CHI3L1: variants seen among roughly 807,000 people sequenced by gnomAD.
CHI3L1 encodes chitinase 3 like 1.
A neutral mutation model predicts 40.7 loss-of-function variants in CHI3L1; 30 were observed. The ratio of observed to expected loss-of-function variants is 0.74; its 90% CI spans 0.55 to 1.00. The LOEUF is 1.00. CHI3L1 is among the 50% of genes least tolerant of loss of function. The pLI, the probability that CHI3L1 is intolerant of heterozygous loss-of-function variation, is 0.00. For missense variants in CHI3L1, 493 were observed against 492.2 expected (o/e 1.00, Z -0.01); for synonymous variants, 210 against 192.1 (o/e 1.09, Z -0.77).
At position 203,179,841 on chromosome 1, in the gene CHI3L1, T is replaced by A. The variant is rs769289118; in HGVS notation, c.931A>T (p.Ile311Phe). 18 of 1,614,142 alleles carry A rather than the reference T, an allele frequency of 1.1e-5. No individual in the cohort carries two copies. Among genetic ancestry groups the A allele is most frequent in the Non-Finnish European group, 5.1e-6 (6 of 1,179,986 alleles). The change falls in exon 9 of 10, where the codon ATC becomes TTC. Residue 311 changes from isoleucine (I) to phenylalanine (F), a missense_variant. Physicochemically the swap from Ile to Phe is conservative, Grantham distance 21. Transcript: ENST00000255409. ...GCATAGGGGACCTGCTGGCCGAGGATTCTATGGACTGTGGCTCCGCGGAGG... is the reference window on the plus strand; with the variant it reads ...GCATAGGGGACCTGCTGGCCGAGGAATCTATGGACTGTGGCTCCGCGGAGG... ...DFLRGATVHRILGQQVPYATK... is the reference protein window; with the variant it reads ...DFLRGATVHRFLGQQVPYATK...
At chr1:203,184,274 G>A (rs1656007692) in intron 4 of CHI3L1, among the ~76,000 whole-genome samples, 1 of 152,132 alleles carries the variant, frequency 6.6e-6, no homozygotes, top group Non-Finnish European at 1.5e-5. Context: ...TCTCTTTCCA[G>A]CCCTAATGGT....
chr1:203,186,435 C>T (rs535804747), intron 1 of CHI3L1, 90 bp from the exon 2 acceptor site: 15 of 1,497,138 alleles, frequency 1.0e-5, no homozygotes, highest in African/African-American at 1.4e-5. Context: ...CCACCTCCCC[C>T]ACCCCCACCT....
chr1:203,179,758 T>A lies in CHI3L1; in HGVS notation c.1011+3A>T. 1 of 1,614,208 alleles carries A rather than the reference T, an allele frequency of 6.2e-7. No individual in the cohort carries two copies. Among genetic ancestry groups the A allele is most frequent in the African/African-American group, 1.3e-5 (1 of 75,046 alleles). On this transcript the variant is annotated splice_donor_region_variant and intron_variant, in intron 9 of 9. Transcript: ENST00000255409. The stretch of plus-strand genomic sequence containing the variant: ...CCTGAGGTGTGGCCTTGGGGAAACC[T>A]ACCTTGCTTTTGACGCTTTCCTGGT...
intron 5 of CHI3L1, 102 bp downstream of exon 5, chr1:203,183,539 C>T (rs1444408652): frequency 1.6e-6 from 2 of 1,279,948 alleles, no homozygotes; most frequent in African/African-American, 1.5e-5. Flanking sequence ...TGAAGTCCCT[C>T]TTTACCTGTC....
intron 3 of CHI3L1, 84 bp from the exon 4 acceptor site, chr1:203,184,716 G>T: frequency 8.3e-7 from 1 of 1,199,118 alleles, no homozygotes; most frequent in Non-Finnish European, 1.2e-6. Flanking sequence ...AGAGGCCATA[G>T]AAGGTTTCCT....
rs1219527174 is a variant in CHI3L1, at chr1:203,179,004, C to T, written c.*441G>A. 1.9e-5 allele frequency: 3 copies of T among 157,604 alleles called. No individual in the cohort carries two copies. Among genetic ancestry groups the T allele is most frequent in the Non-Finnish European group, 2.8e-5 (2 of 71,364 alleles). 9.8% of individuals were successfully genotyped at this position (157,604 alleles called of 1,614,324 possible). On this transcript the variant is annotated 3_prime_UTR_variant, in exon 10 of 10. Transcript: ENST00000255409. ...GGAAGTAGGATAGGGGACACGATTA[C>T]GTTCCTAAGTGAAGGTTTCAAGCTG...
At position 203,183,782 on chromosome 1, in the gene CHI3L1, C is replaced by G; in HGVS notation, c.324G>C (p.Lys108Asn). ...GGCGACTCTGGGTGTTGGAGGCTAT[C>G]TTGGAAAATCTAGGACCAAAATCAG... ...GWNFGSQRFS[K>N]IASNTQSRRT... is the part of the protein sequence containing the mutation. The change falls in exon 5 of 10, where the codon AAG becomes AAC. Residue 108 changes from lysine to asparagine, a missense_variant. Lys to Asn is a moderately conservative substitution (Grantham distance 94). Coordinates refer to ENST00000255409, the MANE Select transcript of CHI3L1 (RefSeq NM_001276.4). The G allele has an allele frequency of 1.2e-6, 2 of 1,614,204 alleles. 1 individual carries two copies. Among genetic ancestry groups the G allele is most frequent in the Non-Finnish European group, 1.7e-6 (2 of 1,180,026 alleles).
At chr1:203,181,129 C>T (rs199656374) in intron 7 of CHI3L1, 33 bp downstream of exon 7, 104 of 1,611,156 alleles carry the variant, frequency 6.5e-5, no homozygotes, top group Middle Eastern at 1.7e-4. Context: ...TCTTGCGGCC[C>T]CCTCCTGGCC....
In CHI3L1 at chr1:203,179,802, G is replaced by C; in HGVS notation, c.970C>G (p.Gln324Glu). 1 of 1,614,198 alleles carries C rather than the reference G, an allele frequency of 6.2e-7. No homozygotes were observed. Among genetic ancestry groups the C allele is most frequent in the Non-Finnish European group, 8.5e-7 (1 of 1,180,026 alleles). Residue 324 changes from glutamine to glutamate, a missense_variant, in exon 9 of 10, where the codon CAG becomes GAG. By Grantham distance (29) the Gln-to-Glu change is conservative. Transcript: ENST00000255409. ...QQVPYATKGN[Q>E]WVGYDDQESV... ...TCCTGGTCGTCGTATCCTACCCACT[G>C]GTTGCCCTTGGTGGCATAGGGGACC...
intron 5 of CHI3L1, 70 bp downstream of exon 5, chr1:203,183,571 G>T (rs1021566653): frequency 4.1e-5 from 63 of 1,538,098 alleles, no homozygotes; most frequent in Admixed American, 1.2e-4. Flanking sequence ...AGCAGCTGAC[G>T]CCGGCTTCTA....
rs1655992358 is a variant in CHI3L1 at position 203,183,623 on chromosome 1, C to A, written c.465+18G>T. On this transcript the variant is annotated intron_variant, in intron 5 of 9. Coordinates refer to ENST00000255409, the MANE Select transcript of CHI3L1 (RefSeq NM_001276.4). ...CATGCCTGCCCACCTCCCTCCCTGT[C>A]CCTGACCTGACCAGCACCTTGATTA... is the stretch of plus-strand genomic sequence containing the variant. The A allele has an allele frequency of 1.9e-6, 3 of 1,613,850 alleles. No homozygotes were observed. Among genetic ancestry groups the A allele is most frequent in the Non-Finnish European group, 2.5e-6 (3 of 1,179,946 alleles).
chr1:203,186,635 C>T lies in CHI3L1; in HGVS notation c.-12G>A, dbSNP rs2102213499. On this transcript the variant is annotated 5_prime_UTR_variant, in exon 1 of 10. Transcript: ENST00000255409. ...GCCTTCACACCCATTCTGGCTGCAG[C>T]AGAGCAGGGCAGGGTGTGGCCTCTT... 1.4e-5 allele frequency: 23 copies of T among 1,614,120 alleles called. No homozygotes were observed. Among genetic ancestry groups the T allele is most frequent in the Non-Finnish European group, 1.9e-5 (23 of 1,180,020 alleles).
Position 203,179,876 on chromosome 1 carries a change from A to G in CHI3L1, c.896T>C (p.Ile299Thr), listed in dbSNP as rs892377181. 1 of 1,613,940 alleles carries G rather than the reference A, an allele frequency of 6.2e-7. No individual in the cohort carries two copies. The highest frequency in any genetic ancestry group is 8.5e-7 in the Non-Finnish European group (1 of 1,179,852). ...TGTGGCTCCGCGGAGGAAGTCACAG[A>G]TCTGAGCAGATAACAGGGAAAAGGC... Reference protein sequence around the residue: ...KEAGTLAYYEICDFLRGATVH... With the variant: ...KEAGTLAYYETCDFLRGATVH... Residue 299 changes from isoleucine to threonine, a missense_variant and splice_region_variant, in exon 9 of 10, where the codon ATC becomes ACC. Physicochemically the swap from Ile to Thr is moderately conservative, Grantham distance 89. Coordinates refer to ENST00000255409, the MANE Select transcript of CHI3L1 (RefSeq NM_001276.4).
In CHI3L1 at chr1:203,181,052, A is replaced by AC. The variant is rs1655926052; in HGVS notation, c.711+109dup. 6 of 1,380,744 alleles carry AC rather than the reference A, an allele frequency of 4.3e-6. No individual in the cohort carries two copies. In the South Asian group the frequency reaches 7.3e-5, roughly 17 times the overall value. 85.5% of individuals were successfully genotyped at this position (1,380,744 alleles called of 1,614,324 possible). ...CCTTATCTGTGGAATGGGCCTCATG[A>AC]CCCCCCTCTTGCAGGACTGTACTGA... On this transcript the variant is annotated intron_variant, in intron 7 of 9. Coordinates refer to ENST00000255409, the MANE Select transcript of CHI3L1 (RefSeq NM_001276.4).
At chr1:203,179,708 G>T (rs756157745) in intron 9 of CHI3L1, 53 bp downstream of exon 9, 165 of 1,614,016 alleles carry the variant, frequency 1.0e-4, no homozygotes, top group Non-Finnish European at 1.3e-4. Context: ...GCTGCTGGGA[G>T]CGGGGCCTCC....
At chr1:203,186,278 C>T in intron 2 of CHI3L1, 38 bp downstream of exon 2, 1 of 1,567,606 alleles carries the variant, frequency 6.4e-7, no homozygotes, top group Non-Finnish European at 8.7e-7. Flanking sequence ...CCTCGCCACG[C>T]CTCTGGACTT....
intron 9 of CHI3L1, 58 bp from the exon 10 acceptor site, chr1:203,179,643 G>A: frequency 8.7e-6 from 14 of 1,613,800 alleles, no homozygotes; most frequent in African/African-American, 1.3e-5. Flanking sequence ...GTGTGTACAG[G>A]GCACATGTGC....
chr1:203,181,539 T>C lies in CHI3L1; in HGVS notation c.588-254A>G, dbSNP rs1655938026. On this transcript the variant is annotated intron_variant, in intron 6 of 9. Coordinates refer to ENST00000255409, the MANE Select transcript of CHI3L1 (RefSeq NM_001276.4). Reference sequence around the variant, plus strand: ...GGGAGGCTGAGGCAGGAGAATCGCTTGAACCCAGGCGGCAGAGGTTGTGCC... The same window carrying C: ...GGGAGGCTGAGGCAGGAGAATCGCTCGAACCCAGGCGGCAGAGGTTGTGCC... 3 of 317,424 alleles carry C rather than the reference T, an allele frequency of 9.5e-6. No individual in the cohort carries two copies. In the Admixed American group the frequency reaches 1.4e-4, roughly 15 times the overall value. 19.7% of individuals were successfully genotyped at this position (317,424 alleles called of 1,614,324 possible). A position where few individuals can be genotyped will look rare whatever the true frequency, so the allele number is the denominator to read the frequency against.
rs576791597 is a variant in CHI3L1, at chr1:203,185,210, G to A, written c.231C>T (p.Tyr77=). Residue 77 remains tyrosine, a synonymous_variant, in exon 3 of 10, where the codon TAC becomes TAT. Coordinates refer to ENST00000255409, the MANE Select transcript of CHI3L1 (RefSeq NM_001276.4). Reference sequence around the variant, plus strand: ...TGTTCTTGAGTGTGTTGAGCATGCCGTAGAGCGTCACATCATTCCACTCCC... The same window carrying A: ...TGTTCTTGAGTGTGTTGAGCATGCCATAGAGCGTCACATCATTCCACTCCC... ...DTWEWNDVTL[Y]GMLNTLKNRN... 10 of 1,614,090 alleles carry A rather than the reference G, an allele frequency of 6.2e-6. No homozygotes were observed. The highest frequency in any genetic ancestry group is 2.7e-5 in the African/African-American group (2 of 75,044).
Sources: gnomAD v4.1 joint callset for allele counts (sites outside exome capture counted in the v4.1 genomes callset) on GRCh38, gnomAD v4.1.1 for gene constraint, MANE v1.5 for transcripts, NCBI Gene and HGNC (gene_info 2026-07-23, HGNC 2026-07-21) for gene names.